The following HDAC9 variants were observed in gnomAD, a reference collection of about 807,000 sequenced individuals.
HDAC9 encodes MEF-2 interacting transcription repressor (MITR) protein.
In HDAC9, 41 loss-of-function variants were observed where a neutral mutation model predicts 139.4. That is an observed-to-expected ratio of 0.29 (90% CI 0.23 to 0.38). The LOEUF is 0.38. Ranked by LOEUF, HDAC9 falls within the 10% of genes least tolerant of loss-of-function variation. The pLI is 1.00. For synonymous variants in HDAC9, 517 were observed against 476.2 expected (o/e 1.09, Z -1.12); for missense variants, 1,147 against 1,297.0 (o/e 0.88, Z 1.78).
chr7:18,300,542 AAT>A (rs1411521464), intron 1 of HDAC9, among the ~76,000 whole-genome samples: 1 of 152,208 alleles, frequency 6.6e-6, no homozygotes, highest in Non-Finnish European at 1.5e-5. Context: ...GCAGTTTAAC[AAT>A]ATGTTAATTA....
At chr7:18,782,451 A>G (rs185952966) in intron 16 of HDAC9, among the ~76,000 whole-genome samples, 63 of 152,152 alleles carry the variant, frequency 4.1e-4, no homozygotes, top group African/African-American at 1.5e-3. Context: ...CTTAATTTCT[A>G]TCATGTGCGG....
chr7:18,476,812 T>C (rs1795146689), intron 1 of HDAC9, among the ~76,000 whole-genome samples: 1 of 152,210 alleles, frequency 6.6e-6, no homozygotes, highest in Non-Finnish European at 1.5e-5. Context: ...TTTGAACAAC[T>C]AAGTTCTGGC....
chr7:18,607,875 C>G (rs1437751024), intron 6 of HDAC9, among the ~76,000 whole-genome samples: 1 of 152,058 alleles, frequency 6.6e-6, no homozygotes, highest in African/African-American at 2.4e-5. Flanking sequence ...AGTGGTATCT[C>G]AAATTAATCA....
At chr7:18,829,096 C>T in intron 17 of HDAC9, 65 bp from the exon 18 acceptor site, 1 of 1,136,664 alleles carries the variant, frequency 8.8e-7, no homozygotes, top group Non-Finnish European at 1.3e-6. Flanking sequence ...CCTGGAGATC[C>T]AAGCAATCCC....
chr7:18,705,852 C>CAAAAAAAAAAAAAAAAAAAAAAAA (rs376206693), intron 12 of HDAC9, among the ~76,000 whole-genome samples: 1 of 82,020 alleles, frequency 1.2e-5, no homozygotes, highest in Non-Finnish European at 2.1e-5. Flanking sequence ...GACTCTGTCT[C>CAAAAAAAAAAAAAAAAAAAAAAAA]AAAAAAAAAA....
intron 1 of HDAC9, among the ~76,000 whole-genome samples, chr7:18,127,879 CAA>C (rs1466869881): frequency 2.0e-5 from 3 of 151,464 alleles, no homozygotes; most frequent in Non-Finnish European, 2.9e-5. Context: ...GTATACTAAA[CAA>C]ATTTTGAAGA....
At chr7:18,430,554 A>G (rs561811150) in intron 1 of HDAC9, 1 of 152,254 alleles carries the variant, frequency 6.6e-6, no homozygotes, top group African/African-American at 2.4e-5. Context: ...ATCTACACAC[A>G]TACAAATAAT....
chr7:18,945,767 A>G (rs10226794), intron 23 of HDAC9, among the ~76,000 whole-genome samples: 1,967 of 152,184 alleles, frequency 0.013, 21 homozygotes, highest in Non-Finnish European at 0.019. Context: ...AGCCAGGCAC[A>G]GTGGCTCATG....
chr7:18,353,268 A>AT (rs35737603), intron 1 of HDAC9, among the ~76,000 whole-genome samples: 27,937 of 149,002 alleles, frequency 0.19, 2,750 homozygotes, highest in Admixed American at 0.24. Context: ...TAATATTGGG[A>AT]TTTTTTTTTT....
At chr7:18,578,263 C>T in intron 2 of HDAC9, 4 of 518,662 alleles carry the variant, frequency 7.7e-6, no homozygotes, top group Non-Finnish European at 1.5e-5. Context: ...CTCTTTTCCA[C>T]ACAATGACAT....
intron 2 of HDAC9, among the ~76,000 whole-genome samples, chr7:18,196,717 C>T (rs2128156023): frequency 6.6e-6 from 1 of 152,092 alleles, no homozygotes; most frequent in Middle Eastern, 3.4e-3. Flanking sequence ...TAAATGTGTC[C>T]ACAGCGTACG....
intron 17 of HDAC9, among the ~76,000 whole-genome samples, chr7:18,818,516 C>G (rs1348792212): frequency 1.3e-5 from 2 of 152,124 alleles, no homozygotes; most frequent in Non-Finnish European, 2.9e-5. Flanking sequence ...GTCACATAGA[C>G]TTACTATTCT....
intron 1 of HDAC9, among the ~76,000 whole-genome samples, chr7:18,417,926 C>CT (rs1789237787): frequency 6.6e-6 from 1 of 152,284 alleles, no homozygotes; most frequent in Non-Finnish European, 1.5e-5. Flanking sequence ...CCAGAAAACT[C>CT]TAACTGCTTT....
rs561018103 is a variant in HDAC9 at position 18,904,722 on chromosome 7, A to C, written c.2803+30126A>C. Among the ~76,000 whole-genome samples the C allele has an allele frequency of 4.4e-3, 662 of 149,870 alleles. 1 individual carries two copies. The highest frequency in any genetic ancestry group is 0.01 in the Middle Eastern group (3 of 288). On this transcript the variant is annotated intron_variant, in intron 22 of 25. Transcript: ENST00000686413. The stretch of plus-strand genomic sequence containing the variant: ...TTCCGAGTAGCTGGGACTACAGGCA[A>C]CCGCCACCACGCCCGGCTAATTTTT...
At chr7:18,416,430 G>T (rs956894145) in intron 1 of HDAC9, among the ~76,000 whole-genome samples, 2 of 152,116 alleles carry the variant, frequency 1.3e-5, no homozygotes, top group Non-Finnish European at 2.9e-5. Flanking sequence ...ATTGGGGTTA[G>T]GTAGTATTAC....
At chr7:18,844,776 G>T (rs1362524384) in intron 21 of HDAC9, among the ~76,000 whole-genome samples, 1 of 152,068 alleles carries the variant, frequency 6.6e-6, no homozygotes, top group Non-Finnish European at 1.5e-5. Flanking sequence ...AAGAGATCTG[G>T]GTTTCTTATC....
intron 1 of HDAC9, among the ~76,000 whole-genome samples, chr7:18,332,451 G>A (rs1801005673): frequency 6.6e-6 from 1 of 151,380 alleles, no homozygotes; most frequent in African/African-American, 2.4e-5. Flanking sequence ...AAGCTTGACT[G>A]TTGCTTTTCT....
At chr7:18,827,082 G>A (rs539584106) in intron 17 of HDAC9, among the ~76,000 whole-genome samples, 22 of 149,386 alleles carry the variant, frequency 1.5e-4, no homozygotes, top group African/African-American at 5.0e-4. Flanking sequence ...GCGAGACCTC[G>A]TCTCAAAAAA....
chr7:18,560,458 A>G (rs1364692863), intron 2 of HDAC9, among the ~76,000 whole-genome samples: 2 of 152,106 alleles, frequency 1.3e-5, no homozygotes, highest in African/African-American at 2.4e-5. Context: ...TGTGCTACCA[A>G]CATCCCCTGT....
Sources: allele counts gnomAD v4.1 joint callset (sites outside exome capture counted in the v4.1 genomes callset), GRCh38; gene constraint gnomAD v4.1.1; transcripts MANE v1.5; gene names NCBI Gene and HGNC (gene_info 2026-07-23, HGNC 2026-07-21).